The following FAM13B variants were observed in gnomAD, a reference collection of about 807,000 sequenced individuals.
FAM13B encodes family with sequence similarity 13 member B, also known as protein FAM13B.
In FAM13B, 60 loss-of-function variants were observed where a neutral mutation model predicts 117.3. The ratio of observed to expected loss-of-function variants is 0.51; its 90% CI spans 0.42 to 0.63. The LOEUF is 0.63. Among genes scored for constraint, FAM13B ranks in the 30% least tolerant of loss-of-function variants. The pLI is 0.00. For synonymous variants in FAM13B, 332 were observed against 356.1 expected, an observed-to-expected ratio of 0.93 and a Z score of 0.76; for missense variants, 972 against 1,091.9, an observed-to-expected ratio of 0.89 and a Z score of 1.55.
At position 138,030,758 on chromosome 5, in the gene FAM13B, G is replaced by A. The variant is rs148026508; in HGVS notation, c.-203+2024C>T. Reference sequence around the variant, plus strand: ...ATTGAACGTAAGGCTGGGCAAGGTGGCAAGGTGGCTCACACCTGTAATCCC... The same window carrying A: ...ATTGAACGTAAGGCTGGGCAAGGTGACAAGGTGGCTCACACCTGTAATCCC... On this transcript the variant is annotated intron_variant, in intron 1 of 23. Coordinates refer to ENST00000689681, the MANE Select transcript of FAM13B (RefSeq NM_001385994.1). Among the ~76,000 whole-genome samples the A allele has an allele frequency of 6.1e-3, 897 of 147,566 alleles. 13 individuals carry two copies. The highest frequency in any genetic ancestry group is 0.022 in the African/African-American group (863 of 39,738).
chr5:137,990,274 C>A (rs1778291426), intron 7 of FAM13B, among the ~76,000 whole-genome samples: 2 of 152,090 alleles, frequency 1.3e-5, no homozygotes, highest in African/African-American at 4.8e-5. Context: ...TAATTATAAT[C>A]CACTGACAAT....
intron 14 of FAM13B, 164 bp from the exon 15 acceptor site, chr5:137,954,540 A>G (rs75358928): frequency 5.3e-5 from 6 of 112,662 alleles, no homozygotes; most frequent in South Asian, 2.0e-4. Context: ...GTGTGTGTGT[A>G]TATATATATA....
intron 14 of FAM13B, among the ~76,000 whole-genome samples, chr5:137,954,842 G>C (rs1766051488): frequency 6.6e-6 from 1 of 151,918 alleles, no homozygotes; most frequent in South Asian, 2.1e-4. Context: ...GGCTGGTCTT[G>C]AACTGCTAGG....
At chr5:137,942,176 C>A in intron 22 of FAM13B, 131 bp from the exon 23 acceptor site, 2 of 670,600 alleles carry the variant, frequency 3.0e-6, no homozygotes, top group Non-Finnish European at 5.1e-6. Flanking sequence ...AGCTCCACTG[C>A]AAACCAATGA....
intron 4 of FAM13B, among the ~76,000 whole-genome samples, chr5:138,014,426 T>C (rs149980890): frequency 6.6e-6 from 1 of 152,332 alleles, no homozygotes. Flanking sequence ...TACTGTGAAC[T>C]ATGCATGCAA....
chr5:138,001,950 C>G (rs769632272), intron 7 of FAM13B, among the ~76,000 whole-genome samples: 23 of 151,944 alleles, frequency 1.5e-4, no homozygotes, highest in Non-Finnish European at 3.1e-4. Flanking sequence ...ACGGGTACAG[C>G]AGTTAGAGGT....
chr5:138,029,849 G>A lies in FAM13B; in HGVS notation c.-203+2933C>T, dbSNP rs555545559. Among the ~76,000 whole-genome samples the A allele has an allele frequency of 7.9e-5, 12 of 152,268 alleles. No homozygotes were observed. The South Asian group carries it at 2.5e-3, about 31-fold the overall frequency. ...AACAAAACTGAACTTTTTCTATTCT[G>A]TTCCTGAAAAGGGCAATAATAGAAA... On this transcript the variant is annotated intron_variant, in intron 1 of 23. Coordinates refer to ENST00000689681, the MANE Select transcript of FAM13B (RefSeq NM_001385994.1).
chr5:137,940,079 G>T lies in FAM13B; in HGVS notation c.*146C>A. ...GGGCCTACTTACTCTCCCATCATTT[G>T]TTTTGTTTAGTGGCACCACAACCAA... is the stretch of plus-strand genomic sequence containing the variant. On this transcript the variant is annotated 3_prime_UTR_variant, in exon 24 of 24. Coordinates refer to ENST00000689681, the MANE Select transcript of FAM13B (RefSeq NM_001385994.1). The T allele has an allele frequency of 1.9e-6, 3 of 1,614,066 alleles. No homozygotes were observed. Among genetic ancestry groups the T allele is most frequent in the South Asian group, 2.2e-5 (2 of 91,078 alleles).
intron 13 of FAM13B, among the ~76,000 whole-genome samples, chr5:137,958,137 G>A (rs1028966885): frequency 6.6e-5 from 10 of 152,070 alleles, no homozygotes; most frequent in African/African-American, 1.9e-4. Flanking sequence ...ATGCTCTGTC[G>A]ACCACCATTC....
At chr5:138,037,644 T>A (rs1284763289), upstream of FAM13B, among the ~76,000 whole-genome samples, 1 of 152,116 alleles carries the variant, frequency 6.6e-6, no homozygotes, top group East Asian at 1.9e-4. Flanking sequence ...GCCCTTCCCT[T>A]GCACCATCAG....
intron 1 of FAM13B, among the ~76,000 whole-genome samples, chr5:138,042,754 C>G (rs1425995076): frequency 6.6e-6 from 1 of 151,840 alleles, no homozygotes; most frequent in East Asian, 1.9e-4. Context: ...TGCTCTTATT[C>G]TTGATATGAG....
At chr5:138,043,418 C>T (rs981828381) in intron 1 of FAM13B, among the ~76,000 whole-genome samples, 1 of 150,268 alleles carries the variant, frequency 6.7e-6, no homozygotes, top group East Asian at 1.9e-4. Context: ...CTTGTTCGGG[C>T]ATTATTCTTT....
At chr5:137,942,845 T>C (rs202243855) in intron 22 of FAM13B, 30 bp downstream of exon 22, 789 of 1,568,262 alleles carry the variant, frequency 5.0e-4, no homozygotes, top group East Asian at 6.5e-4. Context: ...ATTATAAAAA[T>C]AGGCTAAAAT....
chr5:137,965,580 G>C (rs1489960685), intron 10 of FAM13B, among the ~76,000 whole-genome samples: 1 of 152,012 alleles, frequency 6.6e-6, no homozygotes, highest in African/African-American at 2.4e-5. Context: ...TATTAAATAG[G>C]CTACATATCT....
At chr5:138,034,928 G>A (rs538566401), upstream of FAM13B, among the ~76,000 whole-genome samples, 44 of 136,682 alleles carry the variant, frequency 3.2e-4, no homozygotes, top group Non-Finnish European at 5.6e-4. Context: ...ATAACTGACT[G>A]TAATAAATAC....
chr5:137,962,210 T>C (rs937040552), intron 11 of FAM13B, among the ~76,000 whole-genome samples, 195 bp downstream of exon 11: 2 of 152,246 alleles, frequency 1.3e-5, no homozygotes, highest in African/African-American at 4.8e-5. Context: ...TTATAACTAC[T>C]GTCTGAACCT....
In FAM13B at chr5:138,025,311, GTAT is replaced by G. The variant is rs1561544068; in HGVS notation, c.-202-4117_-202-4115del. ...GCCATATATATATATATATATATAT[GTAT>G]TTTTTTTTTTTTTTTTTTTGAGTTG... On this transcript the variant is annotated intron_variant, in intron 1 of 23. Transcript: ENST00000689681. Among the ~76,000 whole-genome samples the G allele has an allele frequency of 3.6e-4, 7 of 19,604 alleles. 2 individuals are homozygous for G. The highest frequency in any genetic ancestry group is 1.7e-3 in the South Asian group (1 of 590). 12.9% of individuals were successfully genotyped at this position (19,604 alleles called of 152,430 possible).
At position 137,985,123 on chromosome 5, in the gene FAM13B, T is replaced by C. The variant is rs1776856928; in HGVS notation, c.1179+134A>G. The C allele has an allele frequency of 7.8e-6, 7 of 902,502 alleles. No individual in the cohort carries two copies. The South Asian group carries it at 1.0e-4, about 13-fold the overall frequency. 55.9% of individuals were successfully genotyped at this position (902,502 alleles called of 1,614,324 possible). On this transcript the variant is annotated intron_variant, in intron 10 of 23. Coordinates refer to ENST00000689681, the MANE Select transcript of FAM13B (RefSeq NM_001385994.1). Reference sequence around the variant, plus strand: ...TGATGTTTCCTAAACTCTGAAACAATGTATATTCTTGGGGATTTATAATTG... The same window carrying C: ...TGATGTTTCCTAAACTCTGAAACAACGTATATTCTTGGGGATTTATAATTG...
rs770434345 is a variant in FAM13B at position 137,987,559 on chromosome 5, G to A, written c.948C>T (p.Ser316=). 1.2e-6 allele frequency: 2 copies of A among 1,613,226 alleles called. No individual in the cohort carries two copies. Among genetic ancestry groups the A allele is most frequent in the African/African-American group, 1.3e-5 (1 of 74,890 alleles). Reference sequence around the variant, plus strand: ...AATTCTTAAGATCATGATCTATGCTGCTCTGAAGATCAAAAAGGTGCTGTT... The same window carrying A: ...AATTCTTAAGATCATGATCTATGCTACTCTGAAGATCAAAAAGGTGCTGTT... The part of the protein sequence containing the change: ...AVEQHLFDLQ[S]SIDHDLKNLQ... The change falls in exon 9 of 24, where the codon AGC becomes AGT. Residue 316 remains serine (S), a synonymous_variant. Coordinates refer to ENST00000689681, the MANE Select transcript of FAM13B (RefSeq NM_001385994.1).
Sources: allele counts gnomAD v4.1 joint callset (sites outside exome capture counted in the v4.1 genomes callset), GRCh38; gene constraint gnomAD v4.1.1; transcripts MANE v1.5; gene names NCBI Gene and HGNC (gene_info 2026-07-23, HGNC 2026-07-21).